CAMTA1: variants seen among roughly 807,000 people sequenced by gnomAD.
CAMTA1 encodes calmodulin-binding transcription activator 1.
In CAMTA1, 27 loss-of-function variants were observed where a neutral mutation model predicts 170.9. That is an observed-to-expected ratio of 0.16 (90% CI 0.12 to 0.22). The LOEUF is 0.22. Among genes scored for constraint, CAMTA1 ranks in the 10% least tolerant of loss-of-function variants. The pLI, the probability that CAMTA1 is intolerant of heterozygous loss-of-function variation, is 1.00. For synonymous variants in CAMTA1, 833 were observed against 891.5 expected, an observed-to-expected ratio of 0.93 and a Z score of 1.17; for missense variants, 1,619 against 2,217.2, an observed-to-expected ratio of 0.73 and a Z score of 5.42.
chr1:6,941,540 C>A (rs894176187), intron 3 of CAMTA1, among the ~76,000 whole-genome samples: 1 of 152,126 alleles, frequency 6.6e-6, no homozygotes, highest in Non-Finnish European at 1.5e-5. Flanking sequence ...GAGGTCATCC[C>A]AGAAAACACA....
chr1:7,386,894 C>T (rs760411308), intron 5 of CAMTA1, among the ~76,000 whole-genome samples: 12 of 152,170 alleles, frequency 7.9e-5, no homozygotes, highest in African/African-American at 2.2e-4. Context: ...TTCCATCTCA[C>T]GGCAGTCTCC....
rs554952770 is a variant in CAMTA1, at chr1:7,701,152, G to A, written c.2914+23419G>A. 8.5e-5 allele frequency among the ~76,000 whole-genome samples: 13 copies of A among 152,350 alleles called. 1 individual carries two copies. The South Asian group carries it at 2.5e-3, about 29-fold the overall frequency. On this transcript the variant is annotated intron_variant, in intron 11 of 22. Transcript: ENST00000303635. ...GCAGAATGAACACAGGCTCTGAAGTGAAACCCAGATCCACTGCTTTCCAGC... is the reference window on the plus strand; with the variant it reads ...GCAGAATGAACACAGGCTCTGAAGTAAAACCCAGATCCACTGCTTTCCAGC...
At chr1:7,530,812 G>GTTTTTTTTTTTT (rs34013817) in intron 6 of CAMTA1, among the ~76,000 whole-genome samples, 1 of 100,792 alleles carries the variant, frequency 9.9e-6, no homozygotes, top group African/African-American at 3.9e-5. Flanking sequence ...GTGAGCTCTT[G>GTTTTTTTTTTTT]TTTTTTTTTT....
intron 3 of CAMTA1, among the ~76,000 whole-genome samples, chr1:7,030,828 A>G (rs1430851967): frequency 6.8e-6 from 1 of 147,292 alleles, no homozygotes; most frequent in East Asian, 2.0e-4. Context: ...CAAGTCTTCT[A>G]CATCCTTAAT....
chr1:7,044,669 GA>G lies in CAMTA1; in HGVS notation c.235-46633del, dbSNP rs1240048056. Among the ~76,000 whole-genome samples, 2 of 151,924 alleles carry G rather than the reference GA, an allele frequency of 1.3e-5. No homozygotes were observed. Among genetic ancestry groups the G allele is most frequent in the Non-Finnish European group, 2.9e-5 (2 of 68,008 alleles). On this transcript the variant is annotated intron_variant, in intron 3 of 22. Transcript: ENST00000303635. The surrounding 1 kb of genome is among the most constrained non-coding windows in gnomAD (Gnocchi z 5.0). ...TGGAGCCTGAATGAGCCAGAGACAG[GA>G]AGCCTGTCCCTCCCCTCTCTGGGCG...
At chr1:7,181,440 A>G (rs939493151) in intron 4 of CAMTA1, among the ~76,000 whole-genome samples, 12 of 152,248 alleles carry the variant, frequency 7.9e-5, no homozygotes, top group African/African-American at 2.9e-4. Context: ...AAGAAGAACC[A>G]GAACTATCTC....
rs533549817 is a variant in CAMTA1, at chr1:7,216,962, A to G, written c.303-32529A>G. Among the ~76,000 whole-genome samples, 6 of 152,328 alleles carry G rather than the reference A, an allele frequency of 3.9e-5. No individual in the cohort carries two copies. In the South Asian group the frequency reaches 1.2e-3, roughly 32 times the overall value. ...TTATACTTATTCTACTTTGATATCA[A>G]GATTGCAATACTTGTTTTGTTATTT... On this transcript the variant is annotated intron_variant, in intron 4 of 22. Coordinates refer to ENST00000303635, the MANE Select transcript of CAMTA1 (RefSeq NM_015215.4). The surrounding 1 kb of genome is among the most constrained non-coding windows in gnomAD (Gnocchi z 4.0).
rs577231960 is a variant in CAMTA1 at position 7,110,036 on chromosome 1, G to T, written c.302+18665G>T. Among the ~76,000 whole-genome samples the T allele has an allele frequency of 9.2e-5, 14 of 152,274 alleles. No homozygotes were observed. In the South Asian group the frequency reaches 2.9e-3, roughly 32 times the overall value. On this transcript the variant is annotated intron_variant, in intron 4 of 22. Coordinates refer to ENST00000303635, the MANE Select transcript of CAMTA1 (RefSeq NM_015215.4). ...CATGGGTCTTTCTGGAAATGAGCCCGAGGTGGCCTGAGGTGTTTCTGCATT... is the reference window on the plus strand; with the variant it reads ...CATGGGTCTTTCTGGAAATGAGCCCTAGGTGGCCTGAGGTGTTTCTGCATT...
intron 6 of CAMTA1, among the ~76,000 whole-genome samples, chr1:7,572,791 GC>G (rs1341710817): frequency 3.9e-5 from 6 of 152,316 alleles, no homozygotes; most frequent in Admixed American, 2.0e-4. Context: ...TCAGACCAGA[GC>G]AGAAAGGAAG....
chr1:7,227,546 C>G (rs1368507586), intron 4 of CAMTA1, among the ~76,000 whole-genome samples: 1 of 152,084 alleles, frequency 6.6e-6, no homozygotes, highest in African/African-American at 2.4e-5. Flanking sequence ...TCAGGCTGGT[C>G]TCGAACTCCC....
At chr1:7,035,762 C>G (rs1339888471) in intron 3 of CAMTA1, among the ~76,000 whole-genome samples, 1 of 152,178 alleles carries the variant, frequency 6.6e-6, no homozygotes, top group Non-Finnish European at 1.5e-5. Flanking sequence ...TATCTGTGTA[C>G]AGAGACATGA....
intron 3 of CAMTA1, among the ~76,000 whole-genome samples, chr1:6,860,495 G>C (rs1386621587): frequency 6.6e-6 from 1 of 152,070 alleles, no homozygotes; most frequent in East Asian, 1.9e-4. Flanking sequence ...CTTGTTCATT[G>C]ATCTGTTTAT....
chr1:7,305,144 T>G (rs1675391563), intron 5 of CAMTA1, among the ~76,000 whole-genome samples: 1 of 152,108 alleles, frequency 6.6e-6, no homozygotes, highest in African/African-American at 2.4e-5. Context: ...ATGTGCCTTC[T>G]CTGTTATATA....
chr1:7,194,328 A>G (rs922604812), intron 4 of CAMTA1, among the ~76,000 whole-genome samples: 1 of 152,248 alleles, frequency 6.6e-6, no homozygotes, highest in Non-Finnish European at 1.5e-5. Flanking sequence ...TGGTATTCTT[A>G]GAGTCCACAG....
chr1:7,548,129 G>T (rs1385832305), intron 6 of CAMTA1, among the ~76,000 whole-genome samples: 1 of 152,218 alleles, frequency 6.6e-6, no homozygotes, highest in Non-Finnish European at 1.5e-5. Context: ...AACAATAAAA[G>T]TTGACAGTTA....
intron 4 of CAMTA1, among the ~76,000 whole-genome samples, chr1:7,096,167 G>A (rs946255152): frequency 2.0e-4 from 31 of 152,152 alleles, no homozygotes; most frequent in Admixed American, 1.8e-3. Flanking sequence ...AGTAGAAGGA[G>A]GGGGTCTAGA....
chr1:7,425,549 G>C (rs1158071251), intron 5 of CAMTA1, among the ~76,000 whole-genome samples: 3 of 152,126 alleles, frequency 2.0e-5, no homozygotes, highest in Admixed American at 2.0e-4. Context: ...GTGTGAATGA[G>C]GCTGCCAGGT....
At chr1:6,888,691 A>G (rs559104785) in intron 3 of CAMTA1, among the ~76,000 whole-genome samples, 23 of 152,384 alleles carry the variant, frequency 1.5e-4, no homozygotes, top group African/African-American at 5.3e-4. Flanking sequence ...AGATAATACT[A>G]ACAGAAGTAC....
intron 3 of CAMTA1, among the ~76,000 whole-genome samples, chr1:6,908,427 T>C (rs1357049607): frequency 6.6e-6 from 1 of 152,216 alleles, no homozygotes; most frequent in East Asian, 1.9e-4. Flanking sequence ...GAAGCCAGAA[T>C]ATTCAAGAAG....
Sources: gnomAD v4.1 joint callset for allele counts (sites outside exome capture counted in the v4.1 genomes callset) on GRCh38, gnomAD v4.1.1 for gene constraint, Gnocchi (gnomAD v3.1) non-coding constraint, MANE v1.5 for transcripts, NCBI Gene and HGNC (gene_info 2026-07-23, HGNC 2026-07-21) for gene names.